The following TVP23A variants were observed in gnomAD, a reference collection of about 807,000 sequenced individuals.
The protein encoded by TVP23A is Golgi apparatus membrane protein TVP23 homolog A.
Under a neutral mutation model 31.7 loss-of-function variants are expected in TVP23A, and 21 were observed. That is an observed-to-expected ratio of 0.66 (90% CI 0.47 to 0.95). The LOEUF is 0.95. TVP23A is among the 40% of genes least tolerant of loss of function. The probability of loss-of-function intolerance (pLI) is 0.00; values close to 1 mark genes in which losing one functional copy is unlikely to be tolerated. For synonymous variants in TVP23A, 104 were observed against 96.0 expected (o/e 1.08, Z -0.49); for missense variants, 279 against 255.6 (o/e 1.09, Z -0.62).
Position 10,779,468 on chromosome 16 carries a change from C to A in TVP23A, c.90-4372G>T, listed in dbSNP as rs2032287052. ...GCAACATGGAGCACACACACACACA[C>A]CACCAATCACCTCCAGTTCCCAGTG... On this transcript the variant is annotated intron_variant, in intron 2 of 7. Transcript: ENST00000299866. This position sits in a 1 kb window ranked among gnomAD's most constrained non-coding sequence, Gnocchi z 4.9. Among the ~76,000 whole-genome samples, 1 of 152,132 alleles carries A rather than the reference C, an allele frequency of 6.6e-6. No individual in the cohort carries two copies. Among genetic ancestry groups the A allele is most frequent in the African/African-American group, 2.4e-5 (1 of 41,426 alleles).
rs932552556 is a variant in TVP23A at position 10,818,629 on chromosome 16, G to A, written c.-136C>T. On this transcript the variant is annotated 5_prime_UTR_variant, in exon 1 of 8. Transcript: ENST00000299866. This position sits in a 1 kb window ranked among gnomAD's most constrained non-coding sequence, Gnocchi z 4.7. ...CTGAGGGTCGGGGCCTGCGCCCTGT[G>A]GGGCAGCCTCAGCGCAGCTTCTCGG... The A allele has an allele frequency of 1.8e-6, 2 of 1,140,160 alleles. No homozygotes were observed. Among genetic ancestry groups the A allele is most frequent in the East Asian group, 6.0e-5 (2 of 33,436 alleles). The allele number at this position is 1,140,160 out of a possible 1,614,324, so 70.6% of individuals were successfully genotyped here. A position where few individuals can be genotyped will look rare whatever the true frequency, so the allele number is the denominator to read the frequency against.
chr16:10,760,179 T>C (rs1900844314), downstream of TVP23A, among the ~76,000 whole-genome samples: 1 of 152,248 alleles, frequency 6.6e-6, no homozygotes, highest in South Asian at 2.1e-4. Context: ...AGAGCAGGGA[T>C]TGGCAAACTT....
chr16:10,803,233 G>A (rs375297224), intron 2 of TVP23A, among the ~76,000 whole-genome samples: 25 of 148,334 alleles, frequency 1.7e-4, no homozygotes, highest in Admixed American at 1.7e-3. Context: ...GCAGTGAGCC[G>A]AGATCGCGCC....
Position 10,768,578 on chromosome 16 carries a change from G to A in TVP23A, c.*524C>T, listed in dbSNP as rs1172324663. 6.3e-6 allele frequency: 1 copy of A among 157,510 alleles called. No individual in the cohort carries two copies. The highest frequency in any genetic ancestry group is 2.4e-5 in the African/African-American group (1 of 41,546). The allele number at this position is 157,510 out of a possible 1,614,324, so 9.8% of individuals were successfully genotyped here. On this transcript the variant is annotated 3_prime_UTR_variant, in exon 8 of 8. Coordinates refer to ENST00000299866, the MANE Select transcript of TVP23A (RefSeq NM_001079512.4). The surrounding 1 kb of genome is among the most constrained non-coding windows in gnomAD (Gnocchi z 4.3). ...GGCGAGATCGCGCCACTGCACTCCA[G>A]CCTGGGCAACAGCGTGAGACCGTGT...
intron 2 of TVP23A, among the ~76,000 whole-genome samples, chr16:10,789,171 C>A (rs2032948535): frequency 6.6e-6 from 1 of 152,106 alleles, no homozygotes; most frequent in Non-Finnish European, 1.5e-5. Flanking sequence ...TCCTGGTAGC[C>A]AGCTTCAGAG....
At chr16:10,794,552 G>C (rs74591482) in intron 2 of TVP23A, among the ~76,000 whole-genome samples, 9,032 of 152,286 alleles carry the variant, frequency 0.059, 346 homozygotes, top group Non-Finnish European at 0.088. Flanking sequence ...AAATAAGTGA[G>C]GTAGGAAGAG....
At chr16:10,791,236 C>G (rs1380932432) in intron 2 of TVP23A, among the ~76,000 whole-genome samples, 1 of 152,074 alleles carries the variant, frequency 6.6e-6, no homozygotes, top group Non-Finnish European at 1.5e-5. Flanking sequence ...TTTTGGACAT[C>G]CTTTGTCAGA....
chr16:10,758,124 C>T, downstream of TVP23A: 1 of 1,401,964 alleles, frequency 7.1e-7, no homozygotes, highest in Non-Finnish European at 9.8e-7. Context: ...CACCAAGGCT[C>T]TTCCCAGTGT....
chr16:10,772,354 A>T (rs1462743919), intron 5 of TVP23A, among the ~76,000 whole-genome samples: 1 of 151,996 alleles, frequency 6.6e-6, no homozygotes, highest in African/African-American at 2.4e-5. Context: ...ACTATCTACA[A>T]ATATTTTGTT....
chr16:10,813,999 CAAAAAAAAAAA>C (rs201277067), intron 2 of TVP23A, among the ~76,000 whole-genome samples: 13 of 49,532 alleles, frequency 2.6e-4, no homozygotes, highest in South Asian at 1.3e-3. Flanking sequence ...AACTCCATCT[CAAAAAAAAAAA>C]AAAAAAAAAA....
chr16:10,788,493 C>A (rs1004765403), intron 2 of TVP23A, among the ~76,000 whole-genome samples: 1 of 152,046 alleles, frequency 6.6e-6, no homozygotes, highest in Admixed American at 6.6e-5. Context: ...TCAGGCTGGT[C>A]TCTGTTGGGG....
At chr16:10,786,387 T>C (rs1203134053) in intron 2 of TVP23A, among the ~76,000 whole-genome samples, 3 of 151,792 alleles carry the variant, frequency 2.0e-5, no homozygotes, top group African/African-American at 7.3e-5. Flanking sequence ...TGCACTGAGC[T>C]ATGATCACAC....
chr16:10,796,818 G>A (rs575684909), intron 2 of TVP23A, among the ~76,000 whole-genome samples: 23 of 152,284 alleles, frequency 1.5e-4, no homozygotes, highest in African/African-American at 5.1e-4. Flanking sequence ...AAATGAATAA[G>A]CTGTAAAAAA....
At chr16:10,762,138 T>C, downstream of TVP23A, 2 of 306,336 alleles carry the variant, frequency 6.5e-6, no homozygotes, top group Non-Finnish European at 1.2e-5. Flanking sequence ...GGCAGGGGAC[T>C]GAGGAGGGCA....
intron 2 of TVP23A, among the ~76,000 whole-genome samples, chr16:10,782,713 AGGCTGGT>A (rs1372733885): frequency 3.9e-5 from 6 of 152,132 alleles, no homozygotes; most frequent in African/African-American, 1.4e-4. Context: ...TATTTTGCCC[AGGCTGGT>A]CTCAAATTCC....
intron 2 of TVP23A, among the ~76,000 whole-genome samples, chr16:10,796,945 C>T (rs2033421957): frequency 6.6e-6 from 1 of 152,038 alleles, no homozygotes; most frequent in Non-Finnish European, 1.5e-5. Flanking sequence ...GCTCATGAAC[C>T]TTGGGAGGCT....
At chr16:10,803,931 A>G (rs1351525367) in intron 2 of TVP23A, among the ~76,000 whole-genome samples, 1 of 152,254 alleles carries the variant, frequency 6.6e-6, no homozygotes, top group African/African-American at 2.4e-5. Flanking sequence ...ACTAAAACCA[A>G]TGAATTAAAT....
At chr16:10,772,935 T>TG (rs1190619336) in intron 5 of TVP23A, among the ~76,000 whole-genome samples, 1 of 152,158 alleles carries the variant, frequency 6.6e-6, no homozygotes, top group East Asian at 1.9e-4. Flanking sequence ...CAGGCTGGAG[T>TG]GCAGTGGCAC....
chr16:10,795,718 C>T lies in TVP23A; in HGVS notation c.90-20622G>A, dbSNP rs186426328. On this transcript the variant is annotated intron_variant, in intron 2 of 7. Transcript: ENST00000299866. ...ACCACACATTCGATGAGGGGAGTTT[C>T]TCCTTCTGGATCCCTTCAGCTCACA... 1.5e-4 allele frequency among the ~76,000 whole-genome samples: 23 copies of T among 152,292 alleles called. No homozygotes were observed. The South Asian group carries it at 1.9e-3, about 12-fold the overall frequency.
Sources: gnomAD v4.1 joint callset for allele counts (sites outside exome capture counted in the v4.1 genomes callset) on GRCh38, gnomAD v4.1.1 for gene constraint, Gnocchi (gnomAD v3.1) non-coding constraint, MANE v1.5 for transcripts, NCBI Gene and HGNC (gene_info 2026-07-23, HGNC 2026-07-21) for gene names.